The following COL5A3 variants were observed in gnomAD, a reference collection of about 807,000 sequenced individuals.
COL5A3 encodes collagen alpha-3(V) chain.
COL5A3 carries 172 observed loss-of-function variants against 250.0 expected under a neutral mutation model. The observed-to-expected ratio is 0.69, with a 90% confidence interval of 0.61 to 0.78. The LOEUF (loss-of-function observed/expected upper bound fraction) is 0.78, where lower values mean the gene tolerates loss of function less well. Ranked by LOEUF, COL5A3 falls within the 30% of genes least tolerant of loss-of-function variation. The pLI is 0.00. For missense variants in COL5A3, 2,340 were observed against 2,334.4 expected (o/e 1.00, Z -0.05); for synonymous variants, 937 against 900.4 (o/e 1.04, Z -0.73).
rs755020568 is a variant in COL5A3 at position 10,005,702 on chromosome 19, C to T, written c.450G>A (p.Val150=). The stretch of plus-strand genomic sequence containing the variant: ...CCATCTCACCATCTATGCTGACGGC[C>T]ACACGGTGCCACCTGCAAGGGGACG... The part of the protein sequence containing the change: ...VNLTDGRWHR[V]AVSIDGEMVT... Residue 150 remains valine (V), a synonymous_variant, in exon 4 of 67, where the codon GTG becomes GTA. Transcript: ENST00000264828. The T allele has an allele frequency of 3.4e-5, 55 of 1,607,486 alleles. No homozygotes were observed. Among genetic ancestry groups the T allele is most frequent in the Middle Eastern group, 1.6e-4 (1 of 6,066 alleles).
chr19:9,999,454 CT>C (rs1444073471), intron 8 of COL5A3, among the ~76,000 whole-genome samples: 6 of 139,040 alleles, frequency 4.3e-5, no homozygotes, highest in Admixed American at 7.2e-5. Flanking sequence ...TTTTTCTTTT[CT>C]TTTTTTCTTT....
At chr19:9,971,089 G>A in intron 52 of COL5A3, 61 bp from the exon 53 acceptor site, 2 of 1,449,452 alleles carry the variant, frequency 1.4e-6, no homozygotes, top group African/African-American at 1.5e-5. Flanking sequence ...TTTGGGATGG[G>A]GCTGGGAGGC....
Position 9,985,262 on chromosome 19 carries a change from A to T in COL5A3, c.2406+580T>A, listed in dbSNP as rs983768398. Among the ~76,000 whole-genome samples, 12 of 128,184 alleles carry T rather than the reference A, an allele frequency of 9.4e-5. No individual in the cohort carries two copies. The Admixed American group carries it at 9.8e-4, about 10-fold the overall frequency. 84.1% of individuals were successfully genotyped at this position (128,184 alleles called of 152,430 possible). ...CACTGCCCCCGGCCACATCTGGCTA[A>T]TTTTTTTTTTTTTTTTAGATGGAGT... On this transcript the variant is annotated intron_variant, in intron 31 of 66. Coordinates refer to ENST00000264828, the MANE Select transcript of COL5A3 (RefSeq NM_015719.4).
At position 9,967,335 on chromosome 19, in the gene COL5A3, C is replaced by CT. The variant is rs61590850; in HGVS notation, c.4458+11_4458+12insA. The CT allele has an allele frequency of 7.0e-6, 10 of 1,426,346 alleles. No homozygotes were observed. The African/African-American group carries it at 7.6e-5, about 11-fold the overall frequency. The allele number at this position is 1,426,346 out of a possible 1,614,324, so 88.4% of individuals were successfully genotyped here. A position where few individuals can be genotyped will look rare whatever the true frequency, so the allele number is the denominator to read the frequency against. On this transcript the variant is annotated intron_variant, in intron 62 of 66. Transcript: ENST00000264828. ...TTTTGGTGTCCATTCCCCCGCCCCC[C>CT]GGGGAACTCACCGGGGGGCCTGGTG... is the stretch of plus-strand genomic sequence containing the variant.
chr19:9,960,945 A>G, intron 65 of COL5A3, 55 bp from the exon 66 acceptor site: 2 of 1,587,202 alleles, frequency 1.3e-6, no homozygotes, highest in Non-Finnish European at 1.7e-6. Flanking sequence ...CTCTTTCTGC[A>G]GAAGCCACCC....
At chr19:10,003,060 G>A (rs944540310) in intron 6 of COL5A3, among the ~76,000 whole-genome samples, 1 of 152,104 alleles carries the variant, frequency 6.6e-6, no homozygotes, top group Admixed American at 6.6e-5. Flanking sequence ...CTCCCTCAAT[G>A]ATTCCCCACT....
intron 27 of COL5A3, 54 bp downstream of exon 27, chr19:9,989,070 C>A: frequency 6.3e-7 from 1 of 1,576,768 alleles, no homozygotes; most frequent in Non-Finnish European, 8.7e-7. Context: ...AGCTGCATCG[C>A]ATGCCTGAAC....
At chr19:9,972,373 G>A (rs761173245) in intron 51 of COL5A3, among the ~76,000 whole-genome samples, 9 of 151,584 alleles carry the variant, frequency 5.9e-5, no homozygotes, top group South Asian at 4.2e-4. Context: ...ATTCATTCAC[G>A]TATTCATCCA....
chr19:9,976,290 T>C (rs1388211669), intron 45 of COL5A3, among the ~76,000 whole-genome samples: 3 of 148,998 alleles, frequency 2.0e-5, no homozygotes, highest in South Asian at 2.1e-4. Context: ...TACTGGGTGT[T>C]TGTACTGAGG....
At position 9,996,625 on chromosome 19, in the gene COL5A3, A is replaced by T; in HGVS notation, c.1328T>A (p.Ile443Asn). ...DGIRGPPGTVIMMPFQFAGGS... is the reference protein window; with the variant it reads ...DGIRGPPGTVNMMPFQFAGGS... ...CCATCTCCTTCTTACCGGCATCATG[A>T]TCACAGTGCCCGGTGGGCCTCGGAT... Residue 443 changes from isoleucine (I) to asparagine (N), a missense_variant, in exon 12 of 67, where the codon ATC (isoleucine) becomes AAC (asparagine). Coordinates refer to ENST00000264828, the MANE Select transcript of COL5A3 (RefSeq NM_015719.4). The T allele has an allele frequency of 6.2e-7, 1 of 1,613,856 alleles. No individual in the cohort carries two copies. Among genetic ancestry groups the T allele is most frequent in the Non-Finnish European group, 8.5e-7 (1 of 1,179,922 alleles).
chr19:10,004,368 C>T (rs932676747), intron 4 of COL5A3, among the ~76,000 whole-genome samples: 4 of 152,194 alleles, frequency 2.6e-5, no homozygotes, highest in Non-Finnish European at 5.9e-5. Flanking sequence ...GGGGCACACC[C>T]GATCCCAACC....
chr19:10,004,155 G>T lies in COL5A3; in HGVS notation c.595-10C>A. 10 of 1,605,260 alleles carry T rather than the reference G, an allele frequency of 6.2e-6. No individual in the cohort carries two copies. The highest frequency in any genetic ancestry group is 8.5e-6 in the Non-Finnish European group (10 of 1,172,110). ...GCTCCTGAATGTCTCCCTGGGGGTTGGGGGTGTAGGAGTCAAGGAGGGCAG... is the reference window on the plus strand; with the variant it reads ...GCTCCTGAATGTCTCCCTGGGGGTTTGGGGTGTAGGAGTCAAGGAGGGCAG... On this transcript the variant is annotated splice_polypyrimidine_tract_variant and intron_variant, in intron 4 of 66. Transcript: ENST00000264828.
At chr19:9,978,775 AT>A (rs892975061) in intron 40 of COL5A3, 115 bp downstream of exon 40, 519 of 936,426 alleles carry the variant, frequency 5.5e-4, no homozygotes, top group South Asian at 1.4e-3. Flanking sequence ...TCCCTCCACC[AT>A]TTTTTTTGCT....
At chr19:9,972,061 T>G (rs140329008) in intron 51 of COL5A3, among the ~76,000 whole-genome samples, 1 of 152,230 alleles carries the variant, frequency 6.6e-6, no homozygotes, top group Admixed American at 6.5e-5. Flanking sequence ...GTCCATTCAT[T>G]CATGCATCCA....
chr19:10,006,084 T>A lies in COL5A3; in HGVS notation c.236A>T (p.Glu79Val). 6.2e-7 allele frequency: 1 copy of A among 1,613,900 alleles called. No individual in the cohort carries two copies. The highest frequency in any genetic ancestry group is 8.5e-7 in the Non-Finnish European group (1 of 1,179,886). Residue 79 changes from glutamate to valine, a missense_variant, in exon 2 of 67, where the codon GAA becomes GTA. Physicochemically the swap from Glu to Val is moderately radical, Grantham distance 121 (BLOSUM62 -2). This residue lies in a region of COL5A3 where 1,152 missense variants were observed against 1,146.3 expected (regional missense o/e 1.00). Coordinates refer to ENST00000264828, the MANE Select transcript of COL5A3 (RefSeq NM_015719.4). ...CTACTCCAACTCACCTGGAAAGAGTTCCCACGTGGGGATGCCGAGCGTGCT... is the reference window on the plus strand; with the variant it reads ...CTACTCCAACTCACCTGGAAAGAGTACCCACGTGGGGATGCCGAGCGTGCT... ...QASTLGIPTWELFPEGHFPEN... is the reference protein window; with the variant it reads ...QASTLGIPTWVLFPEGHFPEN...
At chr19:9,993,273 C>G in intron 19 of COL5A3, 107 bp downstream of exon 19, 1 of 1,322,138 alleles carries the variant, frequency 7.6e-7, no homozygotes, top group Non-Finnish European at 1.1e-6. Context: ...CAATTTGTCC[C>G]TAGCTCTCAA....
rs887228605 is a variant in COL5A3, at chr19:9,986,772, A to T, written c.2146-14T>A. ...GCCTGAAGTGCCCTGGAAAATAAAA[A>T]AAAAAAGCTCTCAAGCCTCTTCCCT... On this transcript the variant is annotated splice_polypyrimidine_tract_variant and intron_variant, in intron 27 of 66. Transcript: ENST00000264828. 4 of 1,612,912 alleles carry T rather than the reference A, an allele frequency of 2.5e-6. No homozygotes were observed. Among genetic ancestry groups the T allele is most frequent in the Non-Finnish European group, 3.4e-6 (4 of 1,179,776 alleles).
At chr19:9,990,744 T>C (rs1293209129) in intron 24 of COL5A3, among the ~76,000 whole-genome samples, 1 of 152,016 alleles carries the variant, frequency 6.6e-6, no homozygotes, top group Non-Finnish European at 1.5e-5. Flanking sequence ...TTGGTATTTT[T>C]AGTAGAGACA....
At chr19:9,973,175 A>G (rs1349286547) in intron 50 of COL5A3, 149 bp from the exon 51 acceptor site, 1 of 675,288 alleles carries the variant, frequency 1.5e-6, no homozygotes, top group African/African-American at 1.8e-5. Context: ...CAAAGGTCAG[A>G]AGGAGCTAGG....
Sources: gnomAD v4.1 joint callset for allele counts (sites outside exome capture counted in the v4.1 genomes callset) on GRCh38, gnomAD v4.1.1 for gene constraint, gnomAD v4.1.1 regional missense constraint, MANE v1.5 for transcripts, NCBI Gene and HGNC (gene_info 2026-07-23, HGNC 2026-07-21) for gene names.